The following ESRRG variants were observed in gnomAD, a reference collection of about 807,000 sequenced individuals.
ESRRG encodes estrogen-related receptor gamma.
ESRRG carries 13 observed loss-of-function variants against 44.0 expected under a neutral mutation model. That is an observed-to-expected ratio of 0.30 (90% confidence interval 0.19 to 0.47). The LOEUF (loss-of-function observed/expected upper bound fraction) is 0.47, where lower values mean the gene tolerates loss of function less well. Among genes scored for constraint, ESRRG ranks in the 20% least tolerant of loss-of-function variants. The pLI is 1.00. For synonymous variants in ESRRG, 215 were observed against 214.6 expected, an observed-to-expected ratio of 1.00 and a Z score of -0.02; for missense variants, 395 against 580.6, an observed-to-expected ratio of 0.68 and a Z score of 3.29.
chr1:216,798,031 G>A (rs2094520648), intron 2 of ESRRG, among the ~76,000 whole-genome samples: 1 of 152,132 alleles, frequency 6.6e-6, no homozygotes, highest in Non-Finnish European at 1.5e-5. Context: ...AGTATGGTTA[G>A]AGCCAGCATC....
chr1:216,784,580 T>G (rs1275532647), intron 2 of ESRRG, among the ~76,000 whole-genome samples: 1 of 152,046 alleles, frequency 6.6e-6, no homozygotes. Context: ...TAAACAAATA[T>G]GTACTAATGA....
chr1:216,953,169 C>G (rs1163188345), intron 1 of ESRRG, among the ~76,000 whole-genome samples: 1 of 152,018 alleles, frequency 6.6e-6, no homozygotes, highest in African/African-American at 2.4e-5. Context: ...ATTCAGCACA[C>G]GTAATAATTA....
intron 1 of ESRRG, among the ~76,000 whole-genome samples, chr1:216,958,707 G>A (rs1255512710): frequency 6.6e-6 from 1 of 152,094 alleles, no homozygotes; most frequent in Non-Finnish European, 1.5e-5. Flanking sequence ...AATATTTACA[G>A]CATCCACTAA....
At chr1:216,749,433 C>T (rs751097602) in intron 2 of ESRRG, among the ~76,000 whole-genome samples, 7 of 152,124 alleles carry the variant, frequency 4.6e-5, no homozygotes, top group South Asian at 2.1e-4. Context: ...TGGCAACAAG[C>T]GCGATAGGGA....
At chr1:217,024,524 G>A (rs1196328037) in intron 1 of ESRRG, among the ~76,000 whole-genome samples, 3 of 151,940 alleles carry the variant, frequency 2.0e-5, no homozygotes, top group African/African-American at 7.3e-5. Context: ...TCCCATGTAA[G>A]AGACAAACAC....
intron 1 of ESRRG, among the ~76,000 whole-genome samples, chr1:217,102,619 T>C (rs575806424): frequency 1.3e-5 from 2 of 152,352 alleles, no homozygotes; most frequent in African/African-American, 4.8e-5. Flanking sequence ...ACACTCAGAC[T>C]TCTGAATAAC....
intron 1 of ESRRG, among the ~76,000 whole-genome samples, chr1:217,081,151 T>G (rs1489118439): frequency 2.0e-5 from 3 of 151,320 alleles, no homozygotes; most frequent in Non-Finnish European, 4.4e-5. Context: ...ATTTTATGCA[T>G]TAAAATGTAA....
intron 1 of ESRRG, among the ~76,000 whole-genome samples, chr1:217,026,912 C>CACACAGAGAGAGAGAGAGAGAG (rs1255637839): frequency 1.1e-5 from 1 of 93,414 alleles, no homozygotes; most frequent in African/African-American, 4.0e-5. Flanking sequence ...CACACACACA[C>CACACAGAGAGAGAGAGAGAGAG]AGAGAGAGAG....
intron 2 of ESRRG, among the ~76,000 whole-genome samples, chr1:216,743,494 C>T (rs896651460): frequency 6.6e-6 from 1 of 152,116 alleles, no homozygotes; most frequent in Non-Finnish European, 1.5e-5. Context: ...ATTTAGAGAG[C>T]TGGTTTAAAT....
chr1:216,641,275 T>C (rs773372930), intron 3 of ESRRG, among the ~76,000 whole-genome samples: 124 of 152,350 alleles, frequency 8.1e-4, no homozygotes, highest in African/African-American at 2.8e-3. Context: ...TTCTATCTAC[T>C]TCATTTCTAA....
intron 1 of ESRRG, among the ~76,000 whole-genome samples, chr1:216,957,556 C>G (rs1221641943): frequency 6.6e-6 from 1 of 152,116 alleles, no homozygotes; most frequent in East Asian, 1.9e-4. Flanking sequence ...CTTTCTTTCT[C>G]TAACACCATC....
chr1:216,638,647 T>C (rs768670533), intron 3 of ESRRG, among the ~76,000 whole-genome samples: 2 of 152,208 alleles, frequency 1.3e-5, no homozygotes, highest in Non-Finnish European at 2.9e-5. Flanking sequence ...AACATCTCTG[T>C]AATTTTAAGT....
intron 1 of ESRRG, among the ~76,000 whole-genome samples, chr1:216,966,786 T>C (rs953203742): frequency 6.6e-6 from 1 of 152,152 alleles, no homozygotes; most frequent in Non-Finnish European, 1.5e-5. Flanking sequence ...TTCCACTGTA[T>C]TATAAGCCAC....
At chr1:217,002,212 G>T (rs1423997693) in intron 1 of ESRRG, among the ~76,000 whole-genome samples, 2 of 149,320 alleles carry the variant, frequency 1.3e-5, no homozygotes, top group Admixed American at 1.4e-4. Flanking sequence ...TGAGCCACGA[G>T]AATCTCTTGA....
chr1:216,925,081 C>T (rs1393075481), intron 2 of ESRRG, among the ~76,000 whole-genome samples: 7 of 152,118 alleles, frequency 4.6e-5, no homozygotes, highest in African/African-American at 1.7e-4. Flanking sequence ...GCAGTTCTCC[C>T]GCAGGGAGAC....
intron 1 of ESRRG, among the ~76,000 whole-genome samples, chr1:217,067,154 C>T (rs2089861422): frequency 6.6e-6 from 1 of 152,208 alleles, no homozygotes; most frequent in African/African-American, 2.4e-5. Context: ...GCCTTAAAAG[C>T]TTGGAACTAT....
intron 2 of ESRRG, chr1:216,863,202 T>TGATGGTG (rs2096082783): frequency 6.6e-6 from 1 of 152,130 alleles, no homozygotes; most frequent in South Asian, 2.1e-4. Flanking sequence ...TCTAACAGGC[T>TGATGGTG]CTCTGTGAAT....
chr1:216,524,316 T>C (rs1251365997), intron 5 of ESRRG, among the ~76,000 whole-genome samples: 2 of 145,188 alleles, frequency 1.4e-5, no homozygotes, highest in Admixed American at 6.8e-5. Context: ...TTTTTTTTCA[T>C]GAACTGGAAC....
At chr1:216,886,124 T>C (rs2096514664) in intron 2 of ESRRG, among the ~76,000 whole-genome samples, 1 of 152,294 alleles carries the variant, frequency 6.6e-6, no homozygotes, top group Admixed American at 6.5e-5. Flanking sequence ...AGTAGACGTG[T>C]CCCTTAGGTA....
Sources: allele counts gnomAD v4.1 joint callset (sites outside exome capture counted in the v4.1 genomes callset), GRCh38; gene constraint gnomAD v4.1.1; transcripts MANE v1.5; gene names NCBI Gene and HGNC (gene_info 2026-07-23, HGNC 2026-07-21).